Variants in CDH6 observed in about 807,000 individuals in gnomAD.
CDH6 encodes the protein cadherin-6.
A neutral mutation model predicts 78.0 loss-of-function variants in CDH6; 31 were observed. The ratio of observed to expected loss-of-function variants is 0.40; its 90% confidence interval spans 0.30 to 0.54. The LOEUF is 0.54. CDH6 is among the 20% of genes least tolerant of loss of function. The pLI, the probability that CDH6 is intolerant of heterozygous loss-of-function variation, is 0.56. For missense variants in CDH6, 724 were observed against 975.9 expected (o/e 0.74, Z 3.44); for synonymous variants, 376 against 368.8 (o/e 1.02, Z -0.23).
chr5:31,241,087 T>C (rs79877308), intron 1 of CDH6, among the ~76,000 whole-genome samples: 3,367 of 152,280 alleles, frequency 0.022, 132 homozygotes, highest in African/African-American at 0.077. Context: ...CCATGAATCT[T>C]CTAGTTCTAA....
At chr5:31,299,370 T>C (rs925785567) in intron 4 of CDH6, 94 bp from the exon 5 acceptor site, 2 of 951,390 alleles carry the variant, frequency 2.1e-6, no homozygotes, top group African/African-American at 3.2e-5. Context: ...ATTTTGCATA[T>C]TGTGGGTGAC....
At chr5:31,253,876 T>G (rs1164541685) in intron 1 of CDH6, among the ~76,000 whole-genome samples, 2 of 152,070 alleles carry the variant, frequency 1.3e-5, no homozygotes, top group Non-Finnish European at 2.9e-5. Context: ...ATTGACTAAC[T>G]TTTCAGAAAA....
chr5:31,260,954 C>T (rs1212322139), intron 1 of CDH6, among the ~76,000 whole-genome samples: 1 of 152,208 alleles, frequency 6.6e-6, no homozygotes, highest in African/African-American at 2.4e-5. Flanking sequence ...AGAAGATCAG[C>T]CATGCTCTAT....
intron 1 of CDH6, among the ~76,000 whole-genome samples, chr5:31,225,928 T>G (rs1196730334): frequency 6.6e-6 from 1 of 152,102 alleles, no homozygotes; most frequent in East Asian, 1.9e-4. Flanking sequence ...GGTAAGTAAA[T>G]GAACCAGAAT....
chr5:31,286,814 G>A (rs1001861626), intron 2 of CDH6, among the ~76,000 whole-genome samples: 11 of 152,140 alleles, frequency 7.2e-5, no homozygotes, highest in Admixed American at 7.2e-4. Flanking sequence ...ATGAGAAAAG[G>A]CAGTAGCATG....
intron 1 of CDH6, chr5:31,249,171 G>A (rs996631225): frequency 2.0e-5 from 3 of 152,140 alleles, no homozygotes; most frequent in Non-Finnish European, 4.4e-5. Context: ...GGGAAAAAAA[G>A]GTGAGCCTAA....
rs1737427510 is a variant in CDH6, at chr5:31,292,826, T to TATATATATATATATGTGTGC, written c.229-1122_229-1121insGTGTGCATATATATATATAT. On this transcript the variant is annotated intron_variant, in intron 2 of 11. Coordinates refer to ENST00000265071, the MANE Select transcript of CDH6 (RefSeq NM_004932.4). ...GTGCATATATATATATGTGTGCATA[T>TATATATATATATATGTGTGC]ATATATATATATATATATATGTGTG... Among the ~76,000 whole-genome samples the TATATATATATATATGTGTGC allele has an allele frequency of 9.3e-3, 626 of 67,312 alleles. 8 individuals are homozygous for TATATATATATATATGTGTGC. The highest frequency in any genetic ancestry group is 0.04 in the African/African-American group (591 of 14,834). 44.2% of individuals were successfully genotyped at this position (67,312 alleles called of 152,430 possible).
intron 2 of CDH6, among the ~76,000 whole-genome samples, chr5:31,277,331 G>A (rs1342647728): frequency 3.3e-5 from 5 of 151,938 alleles, no homozygotes; most frequent in East Asian, 1.9e-4. Flanking sequence ...TATAGAATCC[G>A]GTTAACTCTT....
At chr5:31,209,389 C>T (rs1740629403) in intron 1 of CDH6, among the ~76,000 whole-genome samples, 1 of 152,180 alleles carries the variant, frequency 6.6e-6, no homozygotes, top group Admixed American at 6.5e-5. Flanking sequence ...CTTATTAATA[C>T]AAGTGATCTA....
intron 1 of CDH6, among the ~76,000 whole-genome samples, chr5:31,209,458 G>A (rs1392635540): frequency 6.6e-6 from 1 of 152,190 alleles, no homozygotes; most frequent in Non-Finnish European, 1.5e-5. Flanking sequence ...ATGAGAAGTA[G>A]AGAGTTAAAA....
chr5:31,237,856 T>C (rs1030592516), intron 1 of CDH6, among the ~76,000 whole-genome samples: 4 of 152,218 alleles, frequency 2.6e-5, no homozygotes, highest in African/African-American at 9.6e-5. Context: ...GCGGGCAGCC[T>C]ATTCAACTTC....
intron 1 of CDH6, among the ~76,000 whole-genome samples, chr5:31,265,285 C>T (rs1382342389): frequency 1.3e-5 from 2 of 152,176 alleles, no homozygotes; most frequent in Admixed American, 1.3e-4. Flanking sequence ...GATCGTCAGT[C>T]ATTCCACCCC....
chr5:31,210,548 A>G (rs527676374), intron 1 of CDH6, among the ~76,000 whole-genome samples: 1 of 152,270 alleles, frequency 6.6e-6, no homozygotes, highest in East Asian at 1.9e-4. Context: ...TGATTCTGAT[A>G]CTAAGTGAAA....
chr5:31,244,221 T>C (rs1163186856), intron 1 of CDH6, among the ~76,000 whole-genome samples: 1 of 152,166 alleles, frequency 6.6e-6, no homozygotes, highest in Non-Finnish European at 1.5e-5. Flanking sequence ...ATCAAGACAA[T>C]GTAGACAAGG....
intron 1 of CDH6, chr5:31,250,014 A>G (rs1561042167): frequency 6.6e-6 from 1 of 152,292 alleles, no homozygotes; most frequent in East Asian, 1.9e-4. Context: ...AGAATTTAGA[A>G]TACAGATGTG....
At chr5:31,210,930 T>G (rs998852908) in intron 1 of CDH6, among the ~76,000 whole-genome samples, 2 of 152,360 alleles carry the variant, frequency 1.3e-5, no homozygotes, top group Middle Eastern at 3.4e-3. Flanking sequence ...GAATTCTATT[T>G]AATAAACTAT....
chr5:31,266,700 C>T (rs1742368473), intron 1 of CDH6, among the ~76,000 whole-genome samples: 1 of 151,960 alleles, frequency 6.6e-6, no homozygotes, highest in Non-Finnish European at 1.5e-5. Flanking sequence ...ATAGGCTTAT[C>T]TTTATTGTTG....
chr5:31,208,039 G>A (rs1335879752), intron 1 of CDH6, among the ~76,000 whole-genome samples: 2 of 152,202 alleles, frequency 1.3e-5, no homozygotes, highest in East Asian at 3.9e-4. Flanking sequence ...GGCTGTGAAG[G>A]CCCGGAGCTC....
chr5:31,303,214 A>G (rs1490149989), intron 6 of CDH6, among the ~76,000 whole-genome samples: 1 of 152,194 alleles, frequency 6.6e-6, no homozygotes, highest in Non-Finnish European at 1.5e-5. Flanking sequence ...GCACTGGTAC[A>G]TACAACAGAT....
Sources: gnomAD v4.1 joint callset for allele counts (sites outside exome capture counted in the v4.1 genomes callset) on GRCh38, gnomAD v4.1.1 for gene constraint, MANE v1.5 for transcripts, NCBI Gene and HGNC (gene_info 2026-07-23, HGNC 2026-07-21) for gene names.